SKAP1: variants seen among roughly 807,000 people sequenced by gnomAD.
SKAP1 encodes src kinase associated phosphoprotein 1.
In SKAP1, 44 loss-of-function variants were observed where a neutral mutation model predicts 58.5. The ratio of observed to expected loss-of-function variants is 0.75; its 90% CI spans 0.59 to 0.97. The LOEUF (loss-of-function observed/expected upper bound fraction) is 0.97, where lower values mean the gene tolerates loss of function less well. Ranked by LOEUF, SKAP1 falls within the 50% of genes least tolerant of loss-of-function variation. The pLI is 0.00. For missense variants in SKAP1, 390 were observed against 435.2 expected (o/e 0.90, Z 0.92); for synonymous variants, 127 against 149.7 (o/e 0.85, Z 1.11).
intron 10 of SKAP1, among the ~76,000 whole-genome samples, chr17:48,168,825 T>C (rs1000849795): frequency 1.3e-5 from 2 of 152,216 alleles, no homozygotes; most frequent in African/African-American, 4.8e-5. Context: ...TCTTTTATTG[T>C]TACAAAACTA....
intron 1 of SKAP1, among the ~76,000 whole-genome samples, chr17:48,405,450 T>C (rs9906073): frequency 0.05 from 4,657 of 93,570 alleles, 60 homozygotes; most frequent in South Asian, 0.078. Flanking sequence ...TCTTTCTTTC[T>C]TTTCTTTCTT....
chr17:48,189,570 G>C, intron 4 of SKAP1, 70 bp from the exon 5 acceptor site: 2 of 1,090,020 alleles, frequency 1.8e-6, no homozygotes, highest in Non-Finnish European at 2.7e-6. Flanking sequence ...GCTACTTTAG[G>C]TAATTCACAT....
intron 1 of SKAP1, among the ~76,000 whole-genome samples, chr17:48,413,529 T>C (rs529432138): frequency 9.9e-6 from 1 of 100,984 alleles, no homozygotes; most frequent in Non-Finnish European, 2.0e-5. Flanking sequence ...AAAAAATATA[T>C]ATATATATAT....
At chr17:48,397,467 C>G (rs1256008789) in intron 1 of SKAP1, among the ~76,000 whole-genome samples, 1 of 152,204 alleles carries the variant, frequency 6.6e-6, no homozygotes, top group Admixed American at 6.5e-5. Context: ...CTCAGACAAT[C>G]AGCCTGCCTC....
In SKAP1 at chr17:48,133,769, G is replaced by T. The variant is rs2063667535; in HGVS notation, c.*55C>A. ...GCAGAAGTAGGGAGTGGGAACTTTT[G>T]ATGATCAGTTTCCTCATAAAGGCAG... On this transcript the variant is annotated 3_prime_UTR_variant, in exon 13 of 13. Transcript: ENST00000336915. The T allele has an allele frequency of 6.6e-6, 1 of 152,504 alleles. No individual in the cohort carries two copies. Among genetic ancestry groups the T allele is most frequent in the Non-Finnish European group, 1.5e-5 (1 of 68,038 alleles). 9.4% of individuals were successfully genotyped at this position (152,504 alleles called of 1,614,324 possible).
intron 2 of SKAP1, among the ~76,000 whole-genome samples, chr17:48,384,473 G>A (rs947464789): frequency 6.6e-6 from 1 of 152,180 alleles, no homozygotes; most frequent in African/African-American, 2.4e-5. Flanking sequence ...TCTGAAGACA[G>A]GAGATTCTAG....
intron 4 of SKAP1, among the ~76,000 whole-genome samples, chr17:48,325,196 C>G (rs1008639076): frequency 1.5e-5 from 2 of 132,150 alleles, no homozygotes; most frequent in Non-Finnish European, 3.1e-5. Flanking sequence ...TTGCAGTGAG[C>G]GGAGAGCAGG....
At chr17:48,369,698 A>G (rs1351074967) in intron 2 of SKAP1, among the ~76,000 whole-genome samples, 1 of 151,978 alleles carries the variant, frequency 6.6e-6, no homozygotes, top group Non-Finnish European at 1.5e-5. Context: ...ATTTCCTCAC[A>G]CTCTAACCCT....
chr17:48,147,774 T>C (rs1351478615), intron 11 of SKAP1, among the ~76,000 whole-genome samples: 1 of 152,186 alleles, frequency 6.6e-6, no homozygotes, highest in African/African-American at 2.4e-5. Context: ...CTTTCTCTTT[T>C]TCCATTATTC....
At chr17:48,172,771 G>A (rs2064234328) in intron 9 of SKAP1, among the ~76,000 whole-genome samples, 1 of 151,998 alleles carries the variant, frequency 6.6e-6, no homozygotes, top group Non-Finnish European at 1.5e-5. Flanking sequence ...TATGAGTTCC[G>A]GTATGCCAAA....
chr17:48,388,060 T>G (rs2067300221), intron 2 of SKAP1, among the ~76,000 whole-genome samples: 1 of 152,208 alleles, frequency 6.6e-6, no homozygotes, highest in South Asian at 2.1e-4. Flanking sequence ...ATGGAGGCAG[T>G]CTATGATTTT....
intron 11 of SKAP1, among the ~76,000 whole-genome samples, chr17:48,143,441 A>T (rs2063792736): frequency 6.6e-6 from 1 of 151,480 alleles, no homozygotes; most frequent in Non-Finnish European, 1.5e-5. Flanking sequence ...TGAACTCCTG[A>T]GCTCAAGTGA....
intron 4 of SKAP1, among the ~76,000 whole-genome samples, chr17:48,267,270 A>C (rs771847080): frequency 9.9e-5 from 15 of 152,204 alleles, no homozygotes; most frequent in Non-Finnish European, 1.8e-4. Flanking sequence ...AAAAAGACAA[A>C]ATTAGATACT....
At chr17:48,428,624 A>G (rs2067877846) in intron 1 of SKAP1, among the ~76,000 whole-genome samples, 1 of 152,248 alleles carries the variant, frequency 6.6e-6, no homozygotes, top group African/African-American at 2.4e-5. Context: ...TAAGCTTATA[A>G]AATAGGTTTC....
intron 4 of SKAP1, among the ~76,000 whole-genome samples, chr17:48,333,465 T>A (rs2066530136): frequency 6.6e-6 from 1 of 152,156 alleles, no homozygotes; most frequent in Admixed American, 6.5e-5. Flanking sequence ...GCACTGGAAT[T>A]GATAGGAACT....
At chr17:48,192,205 C>T (rs1157881651) in intron 4 of SKAP1, among the ~76,000 whole-genome samples, 1 of 151,692 alleles carries the variant, frequency 6.6e-6, no homozygotes, top group Non-Finnish European at 1.5e-5. Context: ...CTCCTGGAGG[C>T]CTAAAAATTA....
chr17:48,303,532 G>A (rs565589788), intron 4 of SKAP1, among the ~76,000 whole-genome samples: 5 of 152,210 alleles, frequency 3.3e-5, no homozygotes, highest in Non-Finnish European at 7.3e-5. Context: ...AAGTTGTTGA[G>A]TGAGTATGCT....
chr17:48,163,590 A>G (rs1297756051), intron 10 of SKAP1, among the ~76,000 whole-genome samples: 3 of 152,134 alleles, frequency 2.0e-5, no homozygotes, highest in African/African-American at 7.2e-5. Context: ...AATTCAATAG[A>G]TGGGAGTCAG....
chr17:48,324,459 CAT>C (rs2066406587), intron 4 of SKAP1, among the ~76,000 whole-genome samples: 1 of 152,038 alleles, frequency 6.6e-6, no homozygotes, highest in South Asian at 2.1e-4. Context: ...AAAAATTATA[CAT>C]GTTTTGGTGA....
Sources: gnomAD v4.1 joint callset for allele counts (sites outside exome capture counted in the v4.1 genomes callset) on GRCh38, gnomAD v4.1.1 for gene constraint, MANE v1.5 for transcripts, NCBI Gene and HGNC (gene_info 2026-07-23, HGNC 2026-07-21) for gene names.